Variants in UBAP2L observed in about 807,000 individuals in gnomAD.
The protein encoded by UBAP2L is ubiquitin associated protein 2 like.
UBAP2L carries 12 observed loss-of-function variants against 130.6 expected under a neutral mutation model. The ratio of observed to expected loss-of-function variants is 0.09; its 90% CI spans 0.06 to 0.15. UBAP2L has a LOEUF of 0.15. Ranked by LOEUF, UBAP2L falls within the 10% of genes least tolerant of loss-of-function variation. The probability of loss-of-function intolerance (pLI) is 1.00; values close to 1 mark genes in which losing one functional copy is unlikely to be tolerated. For missense variants in UBAP2L, 965 were observed against 1,332.5 expected, an observed-to-expected ratio of 0.72 and a Z score of 4.29; for synonymous variants, 503 against 524.7, an observed-to-expected ratio of 0.96 and a Z score of 0.57.
chr1:154,266,622 G>A, intron 25 of UBAP2L, 54 bp downstream of exon 25: 1 of 1,563,154 alleles, frequency 6.4e-7, no homozygotes. Flanking sequence ...AGAGGAGGTG[G>A]AGTTGCAATG....
Position 154,266,577 on chromosome 1 carries a change from C to G in UBAP2L, c.2970+9C>G. Reference sequence around the variant, plus strand: ...TGTACTCCAAAACCCAGGTAGGTGCCTGGCTCTGGATAAAAGTGGAAAAGA... The same window carrying G: ...TGTACTCCAAAACCCAGGTAGGTGCGTGGCTCTGGATAAAAGTGGAAAAGA... On this transcript the variant is annotated intron_variant, in intron 25 of 26. Coordinates refer to ENST00000428931, the MANE Select transcript of UBAP2L (RefSeq NM_014847.4). 6.2e-7 allele frequency: 1 copy of G among 1,613,920 alleles called. No individual in the cohort carries two copies. Among genetic ancestry groups the G allele is most frequent in the South Asian group, 1.1e-5 (1 of 91,078 alleles).
chr1:154,226,701 G>A (rs921206231), intron 2 of UBAP2L, among the ~76,000 whole-genome samples: 1 of 152,226 alleles, frequency 6.6e-6, no homozygotes, highest in Non-Finnish European at 1.5e-5. Flanking sequence ...GAATTAAGGG[G>A]CAGATGTTTC....
At chr1:154,255,641 C>G in intron 17 of UBAP2L, 42 bp from the exon 18 acceptor site, 3 of 1,602,210 alleles carry the variant, frequency 1.9e-6, no homozygotes, top group African/African-American at 1.3e-5. Context: ...GGTCACGTAA[C>G]TATAGCACTA....
chr1:154,266,646 T>C (rs1683314742), intron 25 of UBAP2L, 78 bp downstream of exon 25: 1 of 1,473,444 alleles, frequency 6.8e-7, no homozygotes, highest in African/African-American at 1.4e-5. Context: ...GAAATAACAG[T>C]GGACAAGAAG....
chr1:154,220,212 T>C (rs1334766108), upstream of UBAP2L: 1 of 1,155,572 alleles, frequency 8.7e-7, no homozygotes, highest in Non-Finnish European at 1.3e-6. Flanking sequence ...CACCTACTCC[T>C]GGAATAAGGA....
chr1:154,266,544 G>T lies in UBAP2L; in HGVS notation c.2946G>T (p.Ser982=), dbSNP rs377262072. The T allele has an allele frequency of 6.2e-7, 1 of 1,614,108 alleles. No homozygotes were observed. Among genetic ancestry groups the T allele is most frequent in the Non-Finnish European group, 8.5e-7 (1 of 1,180,028 alleles). Residue 982 remains serine, a synonymous_variant, in exon 25 of 27, where the codon TCG becomes TCT. Transcript: ENST00000428931. ...TSSNTGVPDI[S]GSVYSKTQQS... is the part of the protein sequence containing the mutation. The stretch of plus-strand genomic sequence containing the variant: ...GTAACACGGGCGTGCCAGATATCTC[G>T]GGTTCTGTGTACTCCAAAACCCAGG...
At chr1:154,224,130 C>G (rs1667206294) in intron 1 of UBAP2L, among the ~76,000 whole-genome samples, 1 of 152,140 alleles carries the variant, frequency 6.6e-6, no homozygotes, top group African/African-American at 2.4e-5. Flanking sequence ...GTAACAAAAA[C>G]TATATTCTGG....
At position 154,257,535 on chromosome 1, in the gene UBAP2L, C is replaced by T. The variant is rs558163890; in HGVS notation, c.2442+101C>T. ...GGACCCCTGTGAATACCAAAACTTG[C>T]ACATACTCAAGCCCTGCAGTTGGCT... On this transcript the variant is annotated intron_variant, in intron 20 of 26. Coordinates refer to ENST00000428931, the MANE Select transcript of UBAP2L (RefSeq NM_014847.4). The T allele has an allele frequency of 1.1e-5, 14 of 1,268,946 alleles. No individual in the cohort carries two copies. The African/African-American group carries it at 1.8e-4, about 16-fold the overall frequency. 78.6% of individuals were successfully genotyped at this position (1,268,946 alleles called of 1,614,324 possible).
At chr1:154,251,365 G>T (rs768756426) in intron 13 of UBAP2L, 47 bp downstream of exon 13, 6 of 1,584,400 alleles carry the variant, frequency 3.8e-6, no homozygotes, top group Non-Finnish European at 8.6e-7. Flanking sequence ...AGGGGTGTGG[G>T]GCTTGAGAAT....
In UBAP2L at chr1:154,235,990, G is replaced by A. The variant is rs193278187; in HGVS notation, c.545-576G>A. 4.5e-4 allele frequency among the ~76,000 whole-genome samples: 69 copies of A among 152,262 alleles called. No individual in the cohort carries two copies. In the Middle Eastern group the frequency reaches 0.014, roughly 30 times the overall value. ...TGCATATACTAGAGATTGCAGAAGGGGAGAGTGAGAAAGAAGGTAGATGTC... is the reference window on the plus strand; with the variant it reads ...TGCATATACTAGAGATTGCAGAAGGAGAGAGTGAGAAAGAAGGTAGATGTC... On this transcript the variant is annotated intron_variant, in intron 6 of 26. Transcript: ENST00000428931.
At position 154,260,020 on chromosome 1, in the gene UBAP2L, C is replaced by T; in HGVS notation, c.2569C>T (p.Pro857Ser). The change falls in exon 22 of 27, where the codon CCT becomes TCT. Residue 857 changes from proline (P) to serine (S), a missense_variant. By Grantham distance (74) the Pro-to-Ser change is moderately conservative (BLOSUM62 -1). Transcript: ENST00000428931. ...TGRDGSLASN[P>S]YSGDLTKFGR... ...GAGGGATGGTAGCCTGGCCAGCAAC[C>T]CTTATTCTGGTAGGATTGGGATGGG... The T allele has an allele frequency of 3.1e-6, 5 of 1,614,080 alleles. No individual in the cohort carries two copies. Among genetic ancestry groups the T allele is most frequent in the Non-Finnish European group, 3.4e-6 (4 of 1,179,976 alleles).
intron 11 of UBAP2L, among the ~76,000 whole-genome samples, chr1:154,247,422 A>G (rs1269026227): frequency 1.3e-5 from 2 of 152,206 alleles, no homozygotes; most frequent in African/African-American, 2.4e-5. Context: ...CAAAGGTTGT[A>G]AGAAGGTGTA....
At chr1:154,224,769 C>A (rs1274554776) in intron 1 of UBAP2L, among the ~76,000 whole-genome samples, 4 of 152,298 alleles carry the variant, frequency 2.6e-5, no homozygotes, top group South Asian at 4.1e-4. Flanking sequence ...CAGATACTTG[C>A]ATCTATGTAA....
intron 8 of UBAP2L, among the ~76,000 whole-genome samples, chr1:154,237,513 G>A (rs1041406204): frequency 1.3e-5 from 2 of 152,186 alleles, no homozygotes; most frequent in Admixed American, 6.5e-5. Context: ...GTATTTTCTA[G>A]TGTTTATGTT....
rs1166181215 is a variant in UBAP2L, at chr1:154,270,845, C to G, written c.*550C>G. The stretch of plus-strand genomic sequence containing the variant: ...TCTTGTATATATAAAAAGAAAACCT[C>G]TACCTTCAGCCTCTGCCTATTCTTG... On this transcript the variant is annotated 3_prime_UTR_variant, in exon 27 of 27. Coordinates refer to ENST00000428931, the MANE Select transcript of UBAP2L (RefSeq NM_014847.4). 4.9e-6 allele frequency: 7 copies of G among 1,432,710 alleles called. No individual in the cohort carries two copies. Among genetic ancestry groups the G allele is most frequent in the Admixed American group, 2.1e-5 (1 of 46,816 alleles). 88.7% of individuals were successfully genotyped at this position (1,432,710 alleles called of 1,614,324 possible).
rs181286371 is a variant in UBAP2L at position 154,246,567 on chromosome 1, A to G, written c.1014+192A>G. The stretch of plus-strand genomic sequence containing the variant: ...TCTAAGAGAGGACTTAGTTCTGGAC[A>G]GACTGAATATTCTTATAAGAATAAG... On this transcript the variant is annotated intron_variant, in intron 11 of 26. Coordinates refer to ENST00000428931, the MANE Select transcript of UBAP2L (RefSeq NM_014847.4). 7.0e-3 allele frequency among the ~76,000 whole-genome samples: 1,063 copies of G among 152,366 alleles called. 7 individuals are homozygous for G. Among genetic ancestry groups the G allele is most frequent in the Non-Finnish European group, 0.012 (812 of 68,032 alleles).
At chr1:154,231,587 C>T (rs1445519884) in intron 4 of UBAP2L, among the ~76,000 whole-genome samples, 7 of 152,120 alleles carry the variant, frequency 4.6e-5, no homozygotes, top group Non-Finnish European at 1.0e-4. Flanking sequence ...AGGTGTGAGC[C>T]ACCATCCCCG....
intron 20 of UBAP2L, among the ~76,000 whole-genome samples, chr1:154,258,223 A>G (rs1209809586): frequency 6.6e-6 from 1 of 152,180 alleles, no homozygotes; most frequent in Non-Finnish European, 1.5e-5. Flanking sequence ...CTCCTGCCTC[A>G]GCCTCTCAAA....
chr1:154,241,104 T>C (rs1251936581), intron 8 of UBAP2L, among the ~76,000 whole-genome samples: 3 of 152,054 alleles, frequency 2.0e-5, no homozygotes, highest in East Asian at 3.8e-4. Context: ...TTTTTGTTTG[T>C]TTTGAGACAG....
Sources: gnomAD v4.1 joint callset for allele counts (sites outside exome capture counted in the v4.1 genomes callset) on GRCh38, gnomAD v4.1.1 for gene constraint, MANE v1.5 for transcripts, NCBI Gene and HGNC (gene_info 2026-07-23, HGNC 2026-07-21) for gene names.